Variants in MCUB observed in about 807,000 individuals in gnomAD.
MCUB encodes mitochondrial calcium uniporter dominant negative subunit beta, also known as calcium uniporter regulatory subunit MCUb, mitochondrial.
MCUB carries 46 observed loss-of-function variants against 41.4 expected under a neutral mutation model. The observed-to-expected ratio is 1.11, with a 90% confidence interval of 0.88 to 1.42. The LOEUF is 1.42. Among genes scored for constraint, MCUB ranks in the 40% most tolerant of loss-of-function variants. The pLI is 0.00. For missense variants in MCUB, 403 were observed against 404.9 expected, an observed-to-expected ratio of 1.00 and a Z score of 0.04; for synonymous variants, 148 against 148.2, an observed-to-expected ratio of 1.00 and a Z score of 0.01.
chr4:109,677,957 C>T (rs1166369929), intron 4 of MCUB, among the ~76,000 whole-genome samples: 1 of 151,532 alleles, frequency 6.6e-6, no homozygotes, highest in Non-Finnish European at 1.5e-5. Flanking sequence ...AGGCAGAGGT[C>T]CCTGCGGCCT....
At position 109,684,058 on chromosome 4, in the gene MCUB, CTCTTT is replaced by C. The variant is rs1369893400; in HGVS notation, c.613-378_613-374del. 7.6e-3 allele frequency among the ~76,000 whole-genome samples: 1,120 copies of C among 147,992 alleles called. 10 individuals are homozygous for C. Among genetic ancestry groups the C allele is most frequent in the African/African-American group, 0.027 (1,061 of 39,936 alleles). On this transcript the variant is annotated intron_variant, in intron 5 of 7. Transcript: ENST00000394650. ...CAGATGTGCATTTGTTCAAGAGTTC[CTCTTT>C]TCTTTTTTTTTTTTTTTGACGCAGA...
intron 1 of MCUB, among the ~76,000 whole-genome samples, chr4:109,566,615 A>G (rs1320655908): frequency 6.6e-6 from 1 of 152,212 alleles, no homozygotes; most frequent in African/African-American, 2.4e-5. Flanking sequence ...ATTTTGTTCA[A>G]TGGTGTATTT....
intron 6 of MCUB, 146 bp from the exon 7 acceptor site, chr4:109,685,105 A>G (rs1250903560): frequency 1.9e-6 from 1 of 534,760 alleles, no homozygotes; most frequent in South Asian, 3.0e-5. Flanking sequence ...GTGTTGGCTT[A>G]TGCTTACTCT....
intron 1 of MCUB, among the ~76,000 whole-genome samples, chr4:109,564,679 T>C (rs188227350): frequency 1.3e-5 from 2 of 152,322 alleles, no homozygotes; most frequent in East Asian, 1.9e-4. Flanking sequence ...GTAAAAATTA[T>C]GTAAAATCAA....
chr4:109,598,796 A>C (rs896821106), intron 1 of MCUB, among the ~76,000 whole-genome samples: 5 of 152,194 alleles, frequency 3.3e-5, no homozygotes, highest in African/African-American at 1.2e-4. Flanking sequence ...ACATATATGC[A>C]GTTGTTCTTT....
At chr4:109,570,756 T>A (rs1726894969) in intron 1 of MCUB, among the ~76,000 whole-genome samples, 1 of 152,210 alleles carries the variant, frequency 6.6e-6, no homozygotes, top group Non-Finnish European at 1.5e-5. Context: ...TGGGATGAGA[T>A]AAGTACGTTA....
At chr4:109,635,788 T>G (rs899046255) in intron 1 of MCUB, among the ~76,000 whole-genome samples, 14 of 152,118 alleles carry the variant, frequency 9.2e-5, no homozygotes, top group African/African-American at 3.4e-4. Context: ...TAATTCAAGG[T>G]AAAACAAAAA....
At chr4:109,562,087 G>C (rs1199575393) in intron 1 of MCUB, among the ~76,000 whole-genome samples, 4 of 152,082 alleles carry the variant, frequency 2.6e-5, no homozygotes, top group Admixed American at 2.0e-4. Flanking sequence ...AACACGTTGA[G>C]TAGCATTTTT....
intron 1 of MCUB, among the ~76,000 whole-genome samples, chr4:109,564,824 C>T (rs1344276915): frequency 6.6e-6 from 1 of 152,122 alleles, no homozygotes; most frequent in African/African-American, 2.4e-5. Flanking sequence ...CAGGTGAGGG[C>T]AGCAGGAAGA....
At chr4:109,578,942 T>C (rs1727099976) in intron 1 of MCUB, among the ~76,000 whole-genome samples, 1 of 152,194 alleles carries the variant, frequency 6.6e-6, no homozygotes, top group African/African-American at 2.4e-5. Context: ...TTTGAAAGTA[T>C]CGGGACTTTT....
chr4:109,634,792 T>C (rs1467563014), intron 1 of MCUB, among the ~76,000 whole-genome samples: 1 of 152,214 alleles, frequency 6.6e-6, no homozygotes, highest in African/African-American at 2.4e-5. Flanking sequence ...TTGGACATTT[T>C]CATTTTTAAA....
chr4:109,672,608 G>A (rs1217285351), intron 4 of MCUB, among the ~76,000 whole-genome samples: 2 of 152,210 alleles, frequency 1.3e-5, no homozygotes, highest in African/African-American at 4.8e-5. Flanking sequence ...CTTACTTACA[G>A]TGAGGTGCTG....
chr4:109,609,201 C>A (rs2126132980), intron 1 of MCUB, among the ~76,000 whole-genome samples: 1 of 152,228 alleles, frequency 6.6e-6, no homozygotes, highest in South Asian at 2.1e-4. Flanking sequence ...AGGGTGAGTC[C>A]ACAGTGCAAA....
At chr4:109,673,521 A>G (rs1214271010) in intron 4 of MCUB, among the ~76,000 whole-genome samples, 1 of 152,352 alleles carries the variant, frequency 6.6e-6, no homozygotes, top group African/African-American at 2.4e-5. Context: ...AGACTTGCCA[A>G]GTCTCACAGT....
At chr4:109,579,662 C>G (rs190043820) in intron 1 of MCUB, among the ~76,000 whole-genome samples, 8 of 152,034 alleles carry the variant, frequency 5.3e-5, no homozygotes, top group African/African-American at 1.9e-4. Flanking sequence ...ATGAATGTAT[C>G]GAGGAAGGGA....
At chr4:109,615,090 C>A (rs1218758092) in intron 1 of MCUB, among the ~76,000 whole-genome samples, 2 of 152,154 alleles carry the variant, frequency 1.3e-5, no homozygotes, top group African/African-American at 2.4e-5. Context: ...TCCAAACTCT[C>A]TTTTCTACTC....
chr4:109,670,730 A>C (rs1335530839), intron 4 of MCUB, among the ~76,000 whole-genome samples: 1 of 151,944 alleles, frequency 6.6e-6, no homozygotes, highest in Non-Finnish European at 1.5e-5. Context: ...AAAAAAAAAA[A>C]AGAAAAAGAA....
At chr4:109,666,268 G>A (rs756340768) in intron 4 of MCUB, among the ~76,000 whole-genome samples, 55 of 152,146 alleles carry the variant, frequency 3.6e-4, no homozygotes, top group Non-Finnish European at 5.7e-4. Context: ...ATACACATGC[G>A]CAGGCTTTTG....
chr4:109,610,276 C>T (rs143382098), intron 1 of MCUB, among the ~76,000 whole-genome samples: 2,813 of 152,276 alleles, frequency 0.018, 50 homozygotes, highest in Non-Finnish European at 0.032. Context: ...CCCATGTGGC[C>T]GAACTGGTAC....
Sources: gnomAD v4.1 joint callset for allele counts (sites outside exome capture counted in the v4.1 genomes callset) on GRCh38, gnomAD v4.1.1 for gene constraint, MANE v1.5 for transcripts, NCBI Gene and HGNC (gene_info 2026-07-23, HGNC 2026-07-21) for gene names.